The following RRM2 variants were observed in gnomAD, a reference collection of about 807,000 sequenced individuals.
The protein encoded by RRM2 is ribonucleoside-diphosphate reductase subunit M2.
A neutral mutation model predicts 45.9 loss-of-function variants in RRM2; 6 were observed. The ratio of observed to expected loss-of-function variants is 0.13; its 90% CI spans 0.07 to 0.26. The LOEUF is 0.26. Ranked by LOEUF, RRM2 falls within the 10% of genes least tolerant of loss-of-function variation. The probability of loss-of-function intolerance (pLI) is 1.00; values close to 1 mark genes in which losing one functional copy is unlikely to be tolerated. For missense variants in RRM2, 343 were observed against 489.5 expected (o/e 0.70, Z 2.82); for synonymous variants, 177 against 173.0 (o/e 1.02, Z -0.18).
intron 3 of RRM2, among the ~76,000 whole-genome samples, chr2:10,181,713 GT>G (rs1438723552): frequency 6.9e-6 from 1 of 144,818 alleles, no homozygotes; most frequent in African/African-American, 2.6e-5. Flanking sequence ...AGGTGGGATT[GT>G]GCTCAATCTG....
chr2:10,168,387 C>T (rs1368137625), intron 3 of RRM2, among the ~76,000 whole-genome samples: 1 of 152,132 alleles, frequency 6.6e-6, no homozygotes, highest in Non-Finnish European at 1.5e-5. Flanking sequence ...CAGGGCTTCC[C>T]CTCCACCCCA....
intron 3 of RRM2, among the ~76,000 whole-genome samples, chr2:10,202,962 C>T (rs1664594821): frequency 6.6e-6 from 1 of 152,214 alleles, no homozygotes. Flanking sequence ...GATTCTCCAC[C>T]TCCTCTTTTT....
At chr2:10,178,104 T>C (rs866850001) in intron 3 of RRM2, among the ~76,000 whole-genome samples, 1 of 151,730 alleles carries the variant, frequency 6.6e-6, no homozygotes. Context: ...TTTTTCGTAT[T>C]CGTAGTAGAG....
exon 4 of RRM2, chr2:10,210,634 T>C (rs781462278): frequency 1.5e-6 from 2 of 1,349,206 alleles, no homozygotes; most frequent in South Asian, 1.2e-5. Flanking sequence ...ACCCACTGCC[T>C]CTCATGCCGG....
chr2:10,145,119 C>T (rs977837142), intron 3 of RRM2, among the ~76,000 whole-genome samples: 3 of 152,088 alleles, frequency 2.0e-5, no homozygotes, highest in African/African-American at 7.2e-5. Flanking sequence ...GAGGGAGGCT[C>T]TTGCATTCCA....
chr2:10,152,702 C>T lies in RRM2; in HGVS notation n.482+10327C>T, dbSNP rs535091594. ...TTCACCATGTTGGCCAGGCTGGTCT[C>T]GAACTCTTCACCTCAGGTGATTTGC... On this transcript the variant is annotated intron_variant and non_coding_transcript_variant, in intron 3 of 3. Coordinates refer to the RRM2 transcript ENST00000381786. Among the ~76,000 whole-genome samples the T allele has an allele frequency of 4.6e-5, 7 of 151,854 alleles. No individual in the cohort carries two copies. The East Asian group carries it at 5.9e-4, about 13-fold the overall frequency.
intron 3 of RRM2, among the ~76,000 whole-genome samples, chr2:10,166,823 G>T (rs1663692545): frequency 6.6e-6 from 1 of 152,238 alleles, no homozygotes; most frequent in African/African-American, 2.4e-5. Context: ...CACTCCACAA[G>T]CATGAGCGTG....
At chr2:10,160,122 G>A (rs1558392125) in intron 3 of RRM2, among the ~76,000 whole-genome samples, 1 of 152,128 alleles carries the variant, frequency 6.6e-6, no homozygotes, top group Non-Finnish European at 1.5e-5. Flanking sequence ...GCCGTCTTCT[G>A]CTCATGCTGG....
Position 10,128,834 on chromosome 2 carries a change from A to G in RRM2, c.799-14A>G. The stretch of plus-strand genomic sequence containing the variant: ...AGTCTTCTGGCTTTAGTGATCTTGA[A>G]CTTTTTTTTCTAGGGTTTACACTGT... On this transcript the variant is annotated splice_polypyrimidine_tract_variant and intron_variant, in intron 7 of 9. Coordinates refer to ENST00000304567, the MANE Select transcript of RRM2 (RefSeq NM_001034.4). The G allele has an allele frequency of 6.3e-7, 1 of 1,599,338 alleles. No individual in the cohort carries two copies. Among genetic ancestry groups the G allele is most frequent in the Non-Finnish European group, 8.6e-7 (1 of 1,166,904 alleles).
rs115148941 is a variant in RRM2 at position 10,166,114 on chromosome 2, G to A, written n.482+23739G>A. The stretch of plus-strand genomic sequence containing the variant: ...TTTGGCTTAGCTTGGTGAGGGCAGC[G>A]TGGAGGACACCGTTCCATCTTAATG... On this transcript the variant is annotated intron_variant and non_coding_transcript_variant, in intron 3 of 3. Coordinates refer to the RRM2 transcript ENST00000381786. 9.6e-3 allele frequency among the ~76,000 whole-genome samples: 1,467 copies of A among 152,346 alleles called. 30 individuals carry two copies. Among genetic ancestry groups the A allele is most frequent in the African/African-American group, 0.034 (1,407 of 41,570 alleles).
downstream of RRM2, among the ~76,000 whole-genome samples, chr2:10,136,113 G>C (rs972192607): frequency 3.3e-5 from 5 of 152,178 alleles, no homozygotes; most frequent in Admixed American, 6.5e-5. Flanking sequence ...TCCTGTGTCC[G>C]GGCAGCACCA....
At chr2:10,152,084 G>A (rs1663322087) in intron 3 of RRM2, among the ~76,000 whole-genome samples, 1 of 152,032 alleles carries the variant, frequency 6.6e-6, no homozygotes, top group Non-Finnish European at 1.5e-5. Flanking sequence ...GAGTAGCTGG[G>A]ACTACAGGCG....
At chr2:10,201,562 G>A (rs1266239882) in intron 3 of RRM2, among the ~76,000 whole-genome samples, 1 of 152,176 alleles carries the variant, frequency 6.6e-6, no homozygotes, top group African/African-American at 2.4e-5. Flanking sequence ...GCATTCAAGA[G>A]CACCTGTCAG....
At chr2:10,122,634 G>A (rs772696074), upstream of RRM2, 1 of 1,541,288 alleles carries the variant, frequency 6.5e-7, no homozygotes. Flanking sequence ...AAGGGTCGGA[G>A]GCATGGCACA....
chr2:10,175,233 C>T (rs1468888697), intron 3 of RRM2, among the ~76,000 whole-genome samples: 1 of 152,210 alleles, frequency 6.6e-6, no homozygotes, highest in African/African-American at 2.4e-5. Flanking sequence ...CCTAGCCACA[C>T]TCACACTCTC....
At chr2:10,189,590 A>T (rs563187572) in intron 3 of RRM2, among the ~76,000 whole-genome samples, 30 of 152,232 alleles carry the variant, frequency 2.0e-4, no homozygotes, top group Non-Finnish European at 4.0e-4. Context: ...AGCTCAGGCC[A>T]GGGGCTGGTT....
intron 3 of RRM2, among the ~76,000 whole-genome samples, chr2:10,146,520 C>T (rs1187920769): frequency 6.6e-6 from 1 of 152,266 alleles, no homozygotes; most frequent in Admixed American, 6.5e-5. Flanking sequence ...TCCATCCATT[C>T]AGCCGTTGCA....
In RRM2 at chr2:10,129,967, A is replaced by G. The variant is rs62129883; in HGVS notation, c.*581A>G. 0.067 allele frequency: 10,283 copies of G among 152,488 alleles called. 385 individuals carry two copies. Among genetic ancestry groups the G allele is most frequent in the Middle Eastern group, 0.092 (27 of 294 alleles). 9.4% of individuals were successfully genotyped at this position (152,488 alleles called of 1,614,324 possible). On this transcript the variant is annotated 3_prime_UTR_variant, in exon 10 of 10. Coordinates refer to ENST00000304567, the MANE Select transcript of RRM2 (RefSeq NM_001034.4). This position sits in a 1 kb window ranked among gnomAD's most constrained non-coding sequence, Gnocchi z 4.8. ...AATGAATTAAAATATTTGTTAACCA[A>G]CTTTAAAGTCAGTCCTGTGTATACC...
rs925444154 is a variant in RRM2 at position 10,185,089 on chromosome 2, G to T, written n.483-25222G>T. On this transcript the variant is annotated intron_variant and non_coding_transcript_variant, in intron 3 of 3. Transcript: ENST00000381786. The surrounding 1 kb of genome is among the most constrained non-coding windows in gnomAD (Gnocchi z 4.3). ...ATTTATAGCAAATCCTGTAGGATGC[G>T]GTAGATTTGGAAGATTTCTGTGATG... Among the ~76,000 whole-genome samples, 1 of 152,288 alleles carries T rather than the reference G, an allele frequency of 6.6e-6. No homozygotes were observed. The highest frequency in any genetic ancestry group is 2.4e-5 in the African/African-American group (1 of 41,574).
Sources: allele counts gnomAD v4.1 joint callset (sites outside exome capture counted in the v4.1 genomes callset), GRCh38; gene constraint gnomAD v4.1.1; non-coding constraint Gnocchi (gnomAD v3.1); transcripts MANE v1.5; gene names NCBI Gene and HGNC (gene_info 2026-07-23, HGNC 2026-07-21).